Variants in KCTD16 observed in about 807,000 individuals in gnomAD.
The protein encoded by KCTD16 is BTB/POZ domain-containing protein KCTD16.
Under a neutral mutation model 33.2 loss-of-function variants are expected in KCTD16, and 13 were observed. The ratio of observed to expected loss-of-function variants is 0.39; its 90% CI spans 0.25 to 0.62. The LOEUF (loss-of-function observed/expected upper bound fraction) is 0.62. Ranked by LOEUF, KCTD16 falls within the 20% of genes least tolerant of loss-of-function variation. The pLI is 0.50. For synonymous variants in KCTD16, 197 were observed against 195.3 expected, an observed-to-expected ratio of 1.01 and a Z score of -0.07; for missense variants, 441 against 525.1, an observed-to-expected ratio of 0.84 and a Z score of 1.57.
chr5:144,268,551 G>C (rs1238481521), intron 3 of KCTD16, among the ~76,000 whole-genome samples: 1 of 151,964 alleles, frequency 6.6e-6, no homozygotes, highest in African/African-American at 2.4e-5. Context: ...TCCATTTTTT[G>C]GTACAGAGAC....
chr5:144,404,905 T>C (rs763577670), intron 3 of KCTD16, among the ~76,000 whole-genome samples: 2 of 152,190 alleles, frequency 1.3e-5, no homozygotes, highest in Non-Finnish European at 2.9e-5. Flanking sequence ...CAGAGTGCTA[T>C]CTGTGATGTC....
intron 3 of KCTD16, among the ~76,000 whole-genome samples, chr5:144,393,963 C>CTTTTTTTTTTTTTTTTTTTTT (rs70995050): frequency 3.4e-4 from 42 of 121,998 alleles, no homozygotes; most frequent in African/African-American, 7.6e-4. Flanking sequence ...TTTCTTTTTT[C>CTTTTTTTTTTTTTTTTTTTTT]TTTTTTTTTT....
rs189750389 is a variant in KCTD16 at position 144,476,008 on chromosome 5, A to T, written c.*1894A>T. On this transcript the variant is annotated 3_prime_UTR_variant, in exon 4 of 4. Coordinates refer to ENST00000512467, the MANE Select transcript of KCTD16 (RefSeq NM_020768.4). ...ATTATAATTTATGAATTTAAGTGGT[A>T]TTCTTTTCTGTATTAATATATTAGC... 1.6e-4 allele frequency: 25 copies of T among 152,330 alleles called. No homozygotes were observed. Among genetic ancestry groups the T allele is most frequent in the African/African-American group, 5.5e-4 (23 of 41,584 alleles). The allele number at this position is 152,330 out of a possible 1,614,324, so 9.4% of individuals were successfully genotyped here.
At chr5:144,391,706 C>A (rs1198201677) in intron 3 of KCTD16, among the ~76,000 whole-genome samples, 1 of 152,106 alleles carries the variant, frequency 6.6e-6, no homozygotes, top group Non-Finnish European at 1.5e-5. Flanking sequence ...TTTGAAGGAC[C>A]ATTTGCAATA....
chr5:144,439,985 C>T (rs1363222), intron 3 of KCTD16, among the ~76,000 whole-genome samples: 1 of 150,814 alleles, frequency 6.6e-6, no homozygotes, highest in Admixed American at 6.6e-5. Context: ...AGCCCACTAA[C>T]AACAGACACA....
chr5:144,472,168 A>T (rs1441443119), intron 3 of KCTD16, among the ~76,000 whole-genome samples: 1 of 152,232 alleles, frequency 6.6e-6, no homozygotes, highest in African/African-American at 2.4e-5. Context: ...TTAAAACTGT[A>T]TAAAGGTACT....
intron 3 of KCTD16, among the ~76,000 whole-genome samples, chr5:144,473,253 A>G (rs1275983692): frequency 6.6e-6 from 1 of 152,160 alleles, no homozygotes; most frequent in East Asian, 1.9e-4. Context: ...GAGATACTGC[A>G]TTAAGAATTT....
chr5:144,205,692 T>C (rs569946266), intron 2 of KCTD16: 3 of 398,132 alleles, frequency 7.5e-6, no homozygotes, highest in African/African-American at 6.2e-5. Flanking sequence ...CCATTTTTCT[T>C]TTCCCCTGGG....
At chr5:144,181,581 A>G (rs1454304650) in intron 2 of KCTD16, among the ~76,000 whole-genome samples, 1 of 152,260 alleles carries the variant, frequency 6.6e-6, no homozygotes, top group Non-Finnish European at 1.5e-5. Flanking sequence ...GTTTGTGTGT[A>G]TAATTGAATA....
At chr5:144,258,089 T>C (rs1379529482) in intron 3 of KCTD16, among the ~76,000 whole-genome samples, 2 of 152,160 alleles carry the variant, frequency 1.3e-5, no homozygotes, top group Non-Finnish European at 2.9e-5. Flanking sequence ...ATGTGAACCA[T>C]TTTCTAAGTG....
intron 3 of KCTD16, among the ~76,000 whole-genome samples, chr5:144,457,533 T>C (rs1754095352): frequency 6.6e-6 from 1 of 152,124 alleles, no homozygotes. Context: ...AGAAACCTAA[T>C]GTACAAACAC....
intron 3 of KCTD16, among the ~76,000 whole-genome samples, chr5:144,424,670 G>A (rs1204183216): frequency 6.6e-6 from 1 of 152,138 alleles, no homozygotes; most frequent in Non-Finnish European, 1.5e-5. Context: ...GGTGTCTGGT[G>A]AGGATGATTC....
intron 3 of KCTD16, among the ~76,000 whole-genome samples, chr5:144,405,494 T>C (rs777554218): frequency 6.6e-6 from 1 of 152,346 alleles, no homozygotes; most frequent in Non-Finnish European, 1.5e-5. Flanking sequence ...GATGGAGACC[T>C]GCCAGTAACT....
intron 3 of KCTD16, among the ~76,000 whole-genome samples, chr5:144,280,336 A>G (rs984564196): frequency 6.6e-6 from 1 of 152,142 alleles, no homozygotes; most frequent in Admixed American, 6.5e-5. Context: ...TAATTTATAA[A>G]TTAAAGTTTT....
At chr5:144,309,288 A>G (rs929587159) in intron 3 of KCTD16, among the ~76,000 whole-genome samples, 6 of 152,142 alleles carry the variant, frequency 3.9e-5, no homozygotes, top group African/African-American at 1.2e-4. Flanking sequence ...AATATGTCCT[A>G]CGACTCCAGG....
chr5:144,228,277 G>A (rs1189267053), intron 3 of KCTD16, among the ~76,000 whole-genome samples: 1 of 152,166 alleles, frequency 6.6e-6, no homozygotes, highest in Non-Finnish European at 1.5e-5. Context: ...AAGAGAACCA[G>A]GAAAGTGGGG....
At chr5:144,192,711 G>A (rs1011929274) in intron 2 of KCTD16, among the ~76,000 whole-genome samples, 2 of 152,144 alleles carry the variant, frequency 1.3e-5, no homozygotes, top group Non-Finnish European at 2.9e-5. Context: ...TCAAAAACCA[G>A]CACCACTTTC....
chr5:144,219,533 T>TTTTTTTTG (rs1379659777), intron 3 of KCTD16, among the ~76,000 whole-genome samples: 2 of 144,276 alleles, frequency 1.4e-5, no homozygotes, highest in Non-Finnish European at 3.1e-5. Context: ...TTTTTTTTTT[T>TTTTTTTTG]TTTTTGAGAC....
rs898845284 is a variant in KCTD16 at position 144,479,397 on chromosome 5, A to T, written c.*5283A>T. The T allele has an allele frequency of 6.6e-6, 1 of 151,554 alleles. No individual in the cohort carries two copies. The highest frequency in any genetic ancestry group is 1.5e-5 in the Non-Finnish European group (1 of 67,800). The allele number at this position is 151,554 out of a possible 1,614,324, so 9.4% of individuals were successfully genotyped here. On this transcript the variant is annotated 3_prime_UTR_variant, in exon 4 of 4. Transcript: ENST00000512467. The stretch of plus-strand genomic sequence containing the variant: ...AAAAAAAAAAGAAAAAGAAAAAGAA[A>T]GCAAGAAAGAGTGAATTCAAAAGGG...
Sources: allele counts gnomAD v4.1 joint callset (sites outside exome capture counted in the v4.1 genomes callset), GRCh38; gene constraint gnomAD v4.1.1; transcripts MANE v1.5; gene names NCBI Gene and HGNC (gene_info 2026-07-23, HGNC 2026-07-21).